Variants in WT1 observed in about 807,000 individuals in gnomAD.
WT1 encodes Wilms tumor protein.
WT1 carries 8 observed loss-of-function variants against 60.8 expected under a neutral mutation model. The observed-to-expected ratio is 0.13, with a 90% CI of 0.08 to 0.24. The LOEUF (loss-of-function observed/expected upper bound fraction) is 0.24, where lower values mean the gene tolerates loss of function less well. Among genes scored for constraint, WT1 ranks in the 10% least tolerant of loss-of-function variants. The pLI is 1.00. For missense variants in WT1, 568 were observed against 711.8 expected (o/e 0.80, Z 2.30); for synonymous variants, 312 against 297.1 (o/e 1.05, Z -0.52).
Position 32,396,341 on chromosome 11 carries a change from G to A in WT1, c.1180C>T (p.Arg394Cys), listed in dbSNP as rs1564972874. The change falls in exon 7 of 10, where the codon CGC becomes TGC. Residue 394 changes from arginine (R) to cysteine (C), a missense_variant. By Grantham distance (180) the Arg-to-Cys change is radical. Transcript: ENST00000452863. Reference sequence around the variant, plus strand: ...CCTGGGTAAGCACACATGAAGGGGCGTTTCTCACTGGTCTCAGATGCCGAC... The same window carrying A: ...CCTGGGTAAGCACACATGAAGGGGCATTTCTCACTGGTCTCAGATGCCGAC... The A allele has an allele frequency of 3.1e-6, 5 of 1,614,142 alleles. No individual in the cohort carries two copies. Among genetic ancestry groups the A allele is most frequent in the Admixed American group, 1.7e-5 (1 of 60,026 alleles).
chr11:32,432,216 T>C (rs762939490), intron 1 of WT1, among the ~76,000 whole-genome samples: 1 of 152,250 alleles, frequency 6.6e-6, no homozygotes, highest in Non-Finnish European at 1.5e-5. Context: ...GCACCATGGC[T>C]AGACTGCCCT....
chr11:32,404,268 CAAAA>C (rs61611336), intron 5 of WT1, among the ~76,000 whole-genome samples: 12 of 89,278 alleles, frequency 1.3e-4, no homozygotes, highest in Admixed American at 3.5e-4. Context: ...GACTCTGTCT[CAAAA>C]AAAAAAAAAA....
chr11:32,429,462 TCCCC>T (rs10580209), intron 1 of WT1, among the ~76,000 whole-genome samples: 6,916 of 124,732 alleles, frequency 0.055, 322 homozygotes, highest in Non-Finnish European at 0.087. Flanking sequence ...ATCCTAGCAT[TCCCC>T]CCCCCCCCCA....
chr11:32,428,391 T>C, intron 2 of WT1, 106 bp downstream of exon 2: 9 of 1,572,532 alleles, frequency 5.7e-6, no homozygotes, highest in Non-Finnish European at 7.8e-6. Context: ...AAGGTCCTTT[T>C]AGATGTCCTC....
rs181672413 is a variant in WT1 at position 32,419,854 on chromosome 11, C to T, written c.888-2200G>A. 6.2e-3 allele frequency among the ~76,000 whole-genome samples: 949 copies of T among 152,204 alleles called. 17 individuals carry two copies. Among genetic ancestry groups the T allele is most frequent in the Non-Finnish European group, 5.6e-3 (381 of 68,018 alleles). ...GACTACAGGCATCTGCCACCATGCC[C>T]GGCTAATTTTTGTATTTTTAGTAGA... On this transcript the variant is annotated intron_variant, in intron 3 of 9. Transcript: ENST00000452863.
chr11:32,406,376 C>A (rs938771123), intron 5 of WT1, among the ~76,000 whole-genome samples: 2 of 152,056 alleles, frequency 1.3e-5, no homozygotes, highest in Non-Finnish European at 2.9e-5. Flanking sequence ...TCTAATGTCG[C>A]CACTGATCTG....
chr11:32,417,946 G>A (rs186066444), intron 3 of WT1, among the ~76,000 whole-genome samples: 18 of 152,184 alleles, frequency 1.2e-4, no homozygotes, highest in Middle Eastern at 3.4e-3. Context: ...GAGGGGAAAA[G>A]GCTAAGGGGA....
chr11:32,405,566 TA>T (rs1852283261), intron 5 of WT1, among the ~76,000 whole-genome samples: 2 of 150,744 alleles, frequency 1.3e-5, no homozygotes, highest in Non-Finnish European at 3.0e-5. Flanking sequence ...TATACATAAA[TA>T]TATATATTTT....
At chr11:32,424,526 C>T (rs930980989) in intron 3 of WT1, among the ~76,000 whole-genome samples, 3 of 152,132 alleles carry the variant, frequency 2.0e-5, no homozygotes, top group Non-Finnish European at 2.9e-5. Flanking sequence ...CACTGGGTTC[C>T]GTAAGGGCAG....
intron 5 of WT1, among the ~76,000 whole-genome samples, chr11:32,414,272 G>GATTGT (rs1554942946): frequency 6.6e-6 from 1 of 152,046 alleles, no homozygotes; most frequent in Non-Finnish European, 1.5e-5. Flanking sequence ...TATTGTGTTT[G>GATTGT]TTTGTTTTGT....
chr11:32,412,216 G>A (rs972143399), intron 5 of WT1, among the ~76,000 whole-genome samples: 1 of 152,214 alleles, frequency 6.6e-6, no homozygotes, highest in African/African-American at 2.4e-5. Context: ...ATTTTCTCCA[G>A]ATTCGACAGC....
At chr11:32,396,445 CACA>C in intron 6 of WT1, 38 bp from the exon 7 acceptor site, 1 of 1,610,044 alleles carries the variant, frequency 6.2e-7, no homozygotes, top group South Asian at 1.1e-5. Context: ...GGCTTTAAGC[CACA>C]TGTGAACATT....
chr11:32,411,332 A>G (rs1337238734), intron 5 of WT1, among the ~76,000 whole-genome samples: 2 of 152,256 alleles, frequency 1.3e-5, no homozygotes, highest in African/African-American at 4.8e-5. Flanking sequence ...TGCAGAGCCC[A>G]TAAATATTTT....
chr11:32,412,807 TC>T (rs781641938), intron 5 of WT1, among the ~76,000 whole-genome samples: 8 of 151,786 alleles, frequency 5.3e-5, no homozygotes, highest in Non-Finnish European at 1.0e-4. Flanking sequence ...AAATACATTC[TC>T]CCATTGGAGG....
chr11:32,433,172 C>T (rs564971882), intron 1 of WT1, among the ~76,000 whole-genome samples: 75 of 152,224 alleles, frequency 4.9e-4, no homozygotes, highest in Non-Finnish European at 4.9e-4. Flanking sequence ...ACAAAGGTGG[C>T]GCGATCTGAT....
chr11:32,393,330 G>T lies in WT1; in HGVS notation c.1265-575C>A, dbSNP rs186228659. On this transcript the variant is annotated intron_variant, in intron 7 of 9. Coordinates refer to ENST00000452863, the MANE Select transcript of WT1 (RefSeq NM_024426.6). ...AAAACACACCAAAAGCACTGAGAAAGTTTTTGGTGTGCTTTATCCAAGAGA... is the reference window on the plus strand; with the variant it reads ...AAAACACACCAAAAGCACTGAGAAATTTTTTGGTGTGCTTTATCCAAGAGA... Among the ~76,000 whole-genome samples the T allele has an allele frequency of 1.5e-3, 223 of 152,314 alleles. 1 individual carries two copies. The highest frequency in any genetic ancestry group is 5.1e-3 in the African/African-American group (211 of 41,582).
Position 32,435,390 on chromosome 11 carries a change from G to A in WT1, c.-30C>T. ...GCGGCGAGGAGACGGCGGGGCCCGG[G>A]CGCCTGGGCTGCCGTCCCGGCTCTG... is the stretch of plus-strand genomic sequence containing the variant. On this transcript the variant is annotated 5_prime_UTR_variant, in exon 1 of 10. Transcript: ENST00000452863. 1.3e-6 allele frequency: 2 copies of A among 1,515,472 alleles called. No individual in the cohort carries two copies. The highest frequency in any genetic ancestry group is 8.8e-7 in the Non-Finnish European group (1 of 1,134,266). The allele number at this position is 1,515,472 out of a possible 1,614,324, so 93.9% of individuals were successfully genotyped here. A position where few individuals can be genotyped will look rare whatever the true frequency, so the allele number is the denominator to read the frequency against.
At position 32,407,549 on chromosome 11, in the gene WT1, C is replaced by T. The variant is rs117986562; in HGVS notation, c.1017-7505G>A. Among the ~76,000 whole-genome samples, 52 of 152,278 alleles carry T rather than the reference C, an allele frequency of 3.4e-4. 1 individual carries two copies. In the East Asian group the frequency reaches 9.3e-3, roughly 27 times the overall value. On this transcript the variant is annotated intron_variant, in intron 5 of 9. Transcript: ENST00000452863. ...CCAGGCAGGCATCCCCCCATCTTCA[C>T]CTCCGTCTTCTCCCCTCTGCAGAGT...
intron 3 of WT1, among the ~76,000 whole-genome samples, chr11:32,425,290 C>T (rs1396489989): frequency 2.0e-5 from 3 of 151,042 alleles, no homozygotes; most frequent in Non-Finnish European, 4.4e-5. Context: ...AAACAAAATA[C>T]AAGCAAGCTT....
Sources: gnomAD v4.1 joint callset for allele counts (sites outside exome capture counted in the v4.1 genomes callset) on GRCh38, gnomAD v4.1.1 for gene constraint, MANE v1.5 for transcripts, NCBI Gene and HGNC (gene_info 2026-07-23, HGNC 2026-07-21) for gene names.